The following KLRD1 variants were observed in gnomAD, a reference collection of about 807,000 sequenced individuals.
The protein encoded by KLRD1 is killer cell lectin like receptor D1.
KLRD1 carries 21 observed loss-of-function variants against 22.6 expected under a neutral mutation model. The observed-to-expected ratio is 0.93, with a 90% CI of 0.66 to 1.34. The LOEUF (loss-of-function observed/expected upper bound fraction) is 1.34. Ranked by LOEUF, KLRD1 falls within the 40% of genes most tolerant of loss-of-function variation. The pLI, the probability that KLRD1 is intolerant of heterozygous loss-of-function variation, is 0.00. For synonymous variants in KLRD1, 59 were observed against 71.1 expected, an observed-to-expected ratio of 0.83 and a Z score of 0.85; for missense variants, 183 against 208.6, an observed-to-expected ratio of 0.88 and a Z score of 0.76.
chr12:10,328,338 G>C lies in KLRD1; in HGVS notation c.*13545G>C, dbSNP rs1308507739. On this transcript the variant is annotated 3_prime_UTR_variant, in exon 6 of 6. Transcript: ENST00000336164. ...GATTACTGATTCAATCTTCATTCTA[G>C]TTATAGATACGCTCATATTTTCTAT... 1 of 152,030 alleles carries C rather than the reference G, an allele frequency of 6.6e-6. No homozygotes were observed. The highest frequency in any genetic ancestry group is 1.9e-4 in the East Asian group (1 of 5,198). The allele number at this position is 152,030 out of a possible 1,614,324, so 9.4% of individuals were successfully genotyped here.
chr12:10,303,436 G>C (rs1048604255), upstream of KLRD1, among the ~76,000 whole-genome samples: 2 of 152,108 alleles, frequency 1.3e-5, no homozygotes, highest in African/African-American at 2.4e-5. Flanking sequence ...TGAAGGTGAG[G>C]AAATACATGT....
chr12:10,273,260 A>G (rs557417326), intron 1 of KLRD1, among the ~76,000 whole-genome samples: 2 of 152,304 alleles, frequency 1.3e-5, no homozygotes, highest in East Asian at 3.9e-4. Flanking sequence ...TCCATGATAC[A>G]TTAAGTGGAA....
chr12:10,250,493 G>C (rs1398095361), intron 1 of KLRD1, among the ~76,000 whole-genome samples: 4 of 151,738 alleles, frequency 2.6e-5, no homozygotes, highest in Non-Finnish European at 5.9e-5. Context: ...GTCTCACTCT[G>C]TTGCCCAGGC....
intron 1 of KLRD1, among the ~76,000 whole-genome samples, chr12:10,246,817 A>T (rs1306897156): frequency 6.6e-6 from 1 of 152,174 alleles, no homozygotes; most frequent in Non-Finnish European, 1.5e-5. Context: ...TCTGAATTCA[A>T]ATAATGAACC....
intron 1 of KLRD1, among the ~76,000 whole-genome samples, chr12:10,299,111 A>T (rs1949846209): frequency 6.6e-6 from 1 of 151,122 alleles, no homozygotes; most frequent in African/African-American, 2.4e-5. Context: ...TCAATCTAGG[A>T]TTTACTCTGT....
chr12:10,241,134 A>G (rs560135445), intron 1 of KLRD1, among the ~76,000 whole-genome samples: 1 of 152,292 alleles, frequency 6.6e-6, no homozygotes, highest in South Asian at 2.1e-4. Context: ...GCAGCAACTG[A>G]TGGTCATTAA....
chr12:10,267,892 C>T (rs1949514290), intron 1 of KLRD1, among the ~76,000 whole-genome samples: 1 of 152,162 alleles, frequency 6.6e-6, no homozygotes, highest in East Asian at 1.9e-4. Context: ...AACTAAAAGA[C>T]AACAACTGTG....
upstream of KLRD1, among the ~76,000 whole-genome samples, chr12:10,305,114 T>C (rs1047383967): frequency 6.6e-6 from 1 of 152,196 alleles, no homozygotes; most frequent in African/African-American, 2.4e-5. Flanking sequence ...TAAGTGAACA[T>C]TAGTTTCTTT....
chr12:10,240,369 A>G (rs1283031519), intron 1 of KLRD1, among the ~76,000 whole-genome samples: 1 of 147,746 alleles, frequency 6.8e-6, no homozygotes, highest in Non-Finnish European at 1.5e-5. Flanking sequence ...CCTCATTTCT[A>G]TTTTCTACAT....
At chr12:10,257,459 G>T in intron 1 of KLRD1, among the ~76,000 whole-genome samples, 1 of 132,152 alleles carries the variant, frequency 7.6e-6, no homozygotes, top group African/African-American at 3.0e-5. Flanking sequence ...ATTTCAAATG[G>T]TTTACTTTCC....
rs114188847 is a variant in KLRD1, at chr12:10,260,392, C to T, written c.-101+34159C>T. 6.2e-3 allele frequency among the ~76,000 whole-genome samples: 936 copies of T among 151,860 alleles called. 7 individuals carry two copies. Among genetic ancestry groups the T allele is most frequent in the African/African-American group, 0.022 (902 of 41,370 alleles). Reference sequence around the variant, plus strand: ...GATACACCTAACTTGTCATTTTATTCACCCTGCTGGAGTTCATAAGCCTTT... The same window carrying T: ...GATACACCTAACTTGTCATTTTATTTACCCTGCTGGAGTTCATAAGCCTTT... On this transcript the variant is annotated intron_variant, in intron 1 of 5. Transcript: ENST00000544747.
chr12:10,239,852 G>C (rs1949224943), intron 1 of KLRD1, among the ~76,000 whole-genome samples: 1 of 151,822 alleles, frequency 6.6e-6, no homozygotes, highest in Non-Finnish European at 1.5e-5. Context: ...ATGTTGGCCA[G>C]GCTGGACTTG....
intron 1 of KLRD1, among the ~76,000 whole-genome samples, chr12:10,270,065 C>T (rs1311507542): frequency 6.6e-6 from 1 of 152,108 alleles, no homozygotes. Context: ...TTTATTACAT[C>T]TCACAGCTTG....
intron 3 of KLRD1, 36 bp from the exon 4 acceptor site, chr12:10,311,428 C>A: frequency 6.3e-7 from 1 of 1,589,744 alleles, no homozygotes; most frequent in East Asian, 2.2e-5. Context: ...TGTCTAGTCT[C>A]CAGTGTCATT....
intron 1 of KLRD1, among the ~76,000 whole-genome samples, chr12:10,266,911 T>G (rs932482690): frequency 6.6e-6 from 1 of 151,476 alleles, no homozygotes; most frequent in African/African-American, 2.4e-5. Flanking sequence ...ATTTATTACT[T>G]TCTTGATTTT....
In KLRD1 at chr12:10,260,712, G is replaced by A. The variant is rs11053714; in HGVS notation, c.-101+34479G>A. 3.2e-4 allele frequency among the ~76,000 whole-genome samples: 49 copies of A among 152,224 alleles called. No homozygotes were observed. In the East Asian group the frequency reaches 9.1e-3, roughly 28 times the overall value. On this transcript the variant is annotated intron_variant, in intron 1 of 5. Transcript: ENST00000544747. ...TCCGAGCACTTTGGGAGGCCGAGGTGGGCAGATCACAAGGTCAGGAGATCG... is the reference window on the plus strand; with the variant it reads ...TCCGAGCACTTTGGGAGGCCGAGGTAGGCAGATCACAAGGTCAGGAGATCG...
At chr12:10,272,640 G>C (rs61298738) in intron 1 of KLRD1, among the ~76,000 whole-genome samples, 1,813 of 152,224 alleles carry the variant, frequency 0.012, 37 homozygotes, top group African/African-American at 0.042. Context: ...AATTGTAAGG[G>C]CCAATGAGCA....
chr12:10,324,818 G>GTTTATATATATATATATATA lies in KLRD1; in HGVS notation c.*10026_*10027insTTATATATATATATATATAT. 1.3e-5 allele frequency: 1 copy of GTTTATATATATATATATATA among 74,154 alleles called. No individual in the cohort carries two copies. The highest frequency in any genetic ancestry group is 5.8e-4 in the East Asian group (1 of 1,730). The allele number at this position is 74,154 out of a possible 1,614,324, so 4.6% of individuals were successfully genotyped here. ...AGTATATATGTATATGTGTGTGTGT[G>GTTTATATATATATATATATA]TATATATATATATATATATATATAT... On this transcript the variant is annotated 3_prime_UTR_variant, in exon 6 of 6. Coordinates refer to ENST00000336164, the MANE Select transcript of KLRD1 (RefSeq NM_002262.5).
intron 1 of KLRD1, among the ~76,000 whole-genome samples, chr12:10,279,567 C>T (rs1244262792): frequency 6.6e-6 from 1 of 152,118 alleles, no homozygotes; most frequent in East Asian, 1.9e-4. Context: ...TCTTTATATG[C>T]ATGCACTTGC....
Sources: gnomAD v4.1 joint callset for allele counts (sites outside exome capture counted in the v4.1 genomes callset) on GRCh38, gnomAD v4.1.1 for gene constraint, MANE v1.5 for transcripts, NCBI Gene and HGNC (gene_info 2026-07-23, HGNC 2026-07-21) for gene names.